Variants in ADAMTSL3 observed in about 807,000 individuals in gnomAD.
ADAMTSL3 encodes ADAMTS like 3, also known as ADAMTS-like protein 3.
ADAMTSL3 carries 128 observed loss-of-function variants against 201.7 expected under a neutral mutation model. The observed-to-expected ratio is 0.63, with a 90% confidence interval of 0.55 to 0.73. The LOEUF is 0.73. Ranked by LOEUF, ADAMTSL3 falls within the 30% of genes least tolerant of loss-of-function variation. The pLI, the probability that ADAMTSL3 is intolerant of heterozygous loss-of-function variation, is 0.00. For synonymous variants in ADAMTSL3, 738 were observed against 748.4 expected, an observed-to-expected ratio of 0.99 and a Z score of 0.23; for missense variants, 1,990 against 2,119.6, an observed-to-expected ratio of 0.94 and a Z score of 1.20.
intron 17 of ADAMTSL3, among the ~76,000 whole-genome samples, chr15:83,926,120 G>A (rs1015461777): frequency 2.0e-5 from 3 of 152,210 alleles, no homozygotes; most frequent in Admixed American, 2.0e-4. Flanking sequence ...AGCCGGGGAG[G>A]TTGGTGCAGG....
intron 9 of ADAMTSL3, among the ~76,000 whole-genome samples, chr15:83,877,440 G>A (rs1424270026): frequency 6.6e-6 from 1 of 152,142 alleles, no homozygotes; most frequent in Non-Finnish European, 1.5e-5. Context: ...ATGTATTTAT[G>A]GACCCTACTT....
chr15:83,703,362 G>T (rs2061801798), intron 2 of ADAMTSL3, among the ~76,000 whole-genome samples: 1 of 152,146 alleles, frequency 6.6e-6, no homozygotes, highest in African/African-American at 2.4e-5. Context: ...GTTTTGAAAT[G>T]TGAGGACATG....
chr15:83,675,876 G>A (rs1027769722), intron 2 of ADAMTSL3, among the ~76,000 whole-genome samples: 20 of 152,012 alleles, frequency 1.3e-4, no homozygotes, highest in African/African-American at 4.8e-4. Context: ...ATTTTTCTGT[G>A]TAGAATTGTT....
At chr15:83,689,759 G>A (rs916649421) in intron 2 of ADAMTSL3, among the ~76,000 whole-genome samples, 1 of 152,018 alleles carries the variant, frequency 6.6e-6, no homozygotes, top group African/African-American at 2.4e-5. Flanking sequence ...GTTTTCAAGA[G>A]CATAATAAAC....
chr15:83,966,559 C>G (rs1000958448), intron 19 of ADAMTSL3, among the ~76,000 whole-genome samples: 3 of 152,004 alleles, frequency 2.0e-5, no homozygotes, highest in Admixed American at 6.6e-5. Context: ...CACAAAAAGC[C>G]CAGGATCAGA....
chr15:83,694,470 T>A (rs2061653695), intron 2 of ADAMTSL3: 1 of 152,226 alleles, frequency 6.6e-6, no homozygotes, highest in Non-Finnish European at 1.5e-5. Context: ...TCAGTTTTTT[T>A]CCTGGGGAAC....
intron 21 of ADAMTSL3, among the ~76,000 whole-genome samples, chr15:83,985,905 C>T (rs1327256685): frequency 1.3e-5 from 2 of 152,100 alleles, no homozygotes; most frequent in Non-Finnish European, 2.9e-5. Flanking sequence ...GCTGGGATTA[C>T]AGGCATGAGT....
intron 9 of ADAMTSL3, among the ~76,000 whole-genome samples, chr15:83,881,841 C>T (rs1315395102): frequency 2.7e-5 from 4 of 148,184 alleles, no homozygotes; most frequent in Admixed American, 6.8e-5. Context: ...AGTAACAGAG[C>T]GAGACTCCCT....
At chr15:83,763,077 C>T (rs530113156) in intron 3 of ADAMTSL3, among the ~76,000 whole-genome samples, 111 of 152,182 alleles carry the variant, frequency 7.3e-4, no homozygotes, top group African/African-American at 2.6e-3. Flanking sequence ...TTAGTAGAGA[C>T]GGGGTTTCAC....
intron 4 of ADAMTSL3, among the ~76,000 whole-genome samples, chr15:83,785,402 C>T (rs530416486): frequency 1.4e-4 from 22 of 152,318 alleles, no homozygotes; most frequent in Admixed American, 7.2e-4. Context: ...TCCTAAGATA[C>T]AACCTTTTCC....
chr15:83,864,559 A>G (rs1264054374), intron 8 of ADAMTSL3, among the ~76,000 whole-genome samples: 1 of 152,190 alleles, frequency 6.6e-6, no homozygotes, highest in Non-Finnish European at 1.5e-5. Context: ...GACAAAATTC[A>G]ACAACGCTTC....
chr15:83,968,820 G>A (rs952226351), intron 19 of ADAMTSL3, among the ~76,000 whole-genome samples: 28 of 152,320 alleles, frequency 1.8e-4, no homozygotes, highest in African/African-American at 6.3e-4. Context: ...GTACTATGCA[G>A]CCACAAAAAA....
intron 17 of ADAMTSL3, among the ~76,000 whole-genome samples, chr15:83,924,891 G>C (rs1243389214): frequency 6.6e-6 from 1 of 152,034 alleles, no homozygotes; most frequent in Non-Finnish European, 1.5e-5. Context: ...CTACCTCTTA[G>C]TCGTTTGCCC....
intron 4 of ADAMTSL3, among the ~76,000 whole-genome samples, chr15:83,774,264 C>T (rs896132682): frequency 6.6e-6 from 1 of 152,154 alleles, no homozygotes; most frequent in African/African-American, 2.4e-5. Flanking sequence ...ATCTGATGTG[C>T]TAGTCTTGTA....
At chr15:83,769,856 T>G (rs904248617) in intron 3 of ADAMTSL3, among the ~76,000 whole-genome samples, 3 of 151,996 alleles carry the variant, frequency 2.0e-5, no homozygotes, top group Admixed American at 6.5e-5. Context: ...AGTATCTAGT[T>G]CAGTCACATG....
chr15:83,683,511 C>T (rs764184582), intron 2 of ADAMTSL3, among the ~76,000 whole-genome samples: 2 of 152,136 alleles, frequency 1.3e-5, no homozygotes, highest in African/African-American at 2.4e-5. Flanking sequence ...CTTTTCTTCC[C>T]CATTCCTTGA....
intron 3 of ADAMTSL3, among the ~76,000 whole-genome samples, chr15:83,709,255 T>C (rs1045510722): frequency 1.3e-5 from 2 of 152,220 alleles, no homozygotes; most frequent in Non-Finnish European, 2.9e-5. Flanking sequence ...GAGTGAAACA[T>C]TAACTGAAAT....
chr15:83,878,574 A>G (rs1232277853), intron 9 of ADAMTSL3, among the ~76,000 whole-genome samples: 1 of 151,980 alleles, frequency 6.6e-6, no homozygotes, highest in African/African-American at 2.4e-5. Flanking sequence ...AGATTGCGCC[A>G]CTGCACTCCA....
intron 2 of ADAMTSL3, among the ~76,000 whole-genome samples, chr15:83,691,840 C>T (rs2061612688): frequency 6.6e-6 from 1 of 152,152 alleles, no homozygotes. Context: ...TCTCGAACTC[C>T]TGACCTCAAG....
Sources: gnomAD v4.1 joint callset for allele counts (sites outside exome capture counted in the v4.1 genomes callset) on GRCh38, gnomAD v4.1.1 for gene constraint, MANE v1.5 for transcripts, NCBI Gene and HGNC (gene_info 2026-07-23, HGNC 2026-07-21) for gene names.